The following GLCE variants were observed in gnomAD, a reference collection of about 807,000 sequenced individuals.
GLCE encodes glucuronic acid epimerase.
In GLCE, 19 loss-of-function variants were observed where a neutral mutation model predicts 47.9. The ratio of observed to expected loss-of-function variants is 0.40; its 90% CI spans 0.28 to 0.58. The LOEUF is 0.58. GLCE is among the 20% of genes least tolerant of loss of function. GLCE has a pLI of 0.48. For missense variants in GLCE, 556 were observed against 743.3 expected, an observed-to-expected ratio of 0.75 and a Z score of 2.93; for synonymous variants, 245 against 263.4, an observed-to-expected ratio of 0.93 and a Z score of 0.68.
chr15:69,180,395 TA>T (rs200606762), intron 1 of GLCE, among the ~76,000 whole-genome samples: 1 of 151,786 alleles, frequency 6.6e-6, no homozygotes, highest in African/African-American at 2.4e-5. Flanking sequence ...ATGAGTGAAT[TA>T]AAAAAAATGT....
intron 1 of GLCE, among the ~76,000 whole-genome samples, chr15:69,165,148 A>G (rs1011749547): frequency 2.6e-5 from 4 of 152,314 alleles, no homozygotes; most frequent in African/African-American, 7.2e-5. Context: ...AACATGTGCC[A>G]TAGTGATTTA....
intron 1 of GLCE, among the ~76,000 whole-genome samples, chr15:69,162,265 G>A (rs2051435934): frequency 6.6e-6 from 1 of 152,076 alleles, no homozygotes; most frequent in South Asian, 2.1e-4. Context: ...GGTAACTAGC[G>A]TAGGCGTAGG....
chr15:69,266,648 C>T (rs2140457338), intron 4 of GLCE: 3 of 350,198 alleles, frequency 8.6e-6, no homozygotes, highest in South Asian at 1.2e-4. Context: ...CTCCTGGTGA[C>T]ACACTAAAGA....
At chr15:69,177,789 A>G (rs1157670018) in intron 1 of GLCE, among the ~76,000 whole-genome samples, 1 of 152,100 alleles carries the variant, frequency 6.6e-6, no homozygotes, top group Non-Finnish European at 1.5e-5. Flanking sequence ...GTAACCATTG[A>G]TCTACTTAAT....
At chr15:69,258,605 A>G (rs2052968045) in intron 3 of GLCE, among the ~76,000 whole-genome samples, 2 of 152,002 alleles carry the variant, frequency 1.3e-5, no homozygotes, top group South Asian at 4.2e-4. Context: ...TTGTGGGTAC[A>G]TAGTAGGTGT....
chr15:69,179,572 T>C (rs746416765), intron 1 of GLCE, among the ~76,000 whole-genome samples: 1 of 152,228 alleles, frequency 6.6e-6, no homozygotes, highest in Non-Finnish European at 1.5e-5. Flanking sequence ...GAAATCCCTG[T>C]GCCATCCCTA....
chr15:69,257,982 T>C (rs2052952772), intron 3 of GLCE, among the ~76,000 whole-genome samples: 1 of 151,678 alleles, frequency 6.6e-6, no homozygotes, highest in Non-Finnish European at 1.5e-5. Context: ...AGAAATATAT[T>C]TTTATTTTAT....
At chr15:69,164,601 T>C (rs1473110035) in intron 1 of GLCE, among the ~76,000 whole-genome samples, 2 of 151,378 alleles carry the variant, frequency 1.3e-5, no homozygotes, top group East Asian at 3.9e-4. Flanking sequence ...ACTTAGAGTT[T>C]TTGTGTTGCA....
chr15:69,171,686 G>A (rs1461443943), intron 1 of GLCE, among the ~76,000 whole-genome samples: 2 of 152,094 alleles, frequency 1.3e-5, no homozygotes, highest in African/African-American at 2.4e-5. Context: ...GTGAGCCACC[G>A]CGCCCTGCTC....
chr15:69,165,565 C>A (rs1372104371), intron 1 of GLCE, among the ~76,000 whole-genome samples: 1 of 31,894 alleles, frequency 3.1e-5, no homozygotes, highest in African/African-American at 1.3e-4. Flanking sequence ...TTTTTTCTTT[C>A]TTTACTGTCT....
At chr15:69,231,772 A>ATC (rs2052525641) in intron 2 of GLCE, among the ~76,000 whole-genome samples, 1 of 151,872 alleles carries the variant, frequency 6.6e-6, no homozygotes, top group Non-Finnish European at 1.5e-5. Flanking sequence ...TGATTCAGAT[A>ATC]TCTATCTATC....
intron 1 of GLCE, among the ~76,000 whole-genome samples, chr15:69,168,117 TTG>T (rs1325151988): frequency 2.0e-5 from 3 of 152,148 alleles, no homozygotes; most frequent in Non-Finnish European, 4.4e-5. Flanking sequence ...TAGATTTTTA[TTG>T]TCTTTCTACT....
rs563232983 is a variant in GLCE at position 69,179,634 on chromosome 15, A to G, written c.-105+18877A>G. Among the ~76,000 whole-genome samples, 31 of 152,302 alleles carry G rather than the reference A, an allele frequency of 2.0e-4. No individual in the cohort carries two copies. In the South Asian group the frequency reaches 6.4e-3, roughly 32 times the overall value. ...CTGACAACGTAACTCCTGGCCTTAA[A>G]GAGCATATAGTTTTATAGGGGAGAT... On this transcript the variant is annotated intron_variant, in intron 1 of 4. Transcript: ENST00000261858.
At chr15:69,245,819 C>T (rs886403672) in intron 2 of GLCE, among the ~76,000 whole-genome samples, 1 of 152,118 alleles carries the variant, frequency 6.6e-6, no homozygotes, top group Non-Finnish European at 1.5e-5. Context: ...ACCTCCGTCT[C>T]CTGGGTTCAA....
chr15:69,267,727 T>C (rs2053105122), intron 4 of GLCE, among the ~76,000 whole-genome samples: 1 of 152,198 alleles, frequency 6.6e-6, no homozygotes, highest in Non-Finnish European at 1.5e-5. Context: ...AATAAATAGG[T>C]GTAAAGCCCT....
chr15:69,221,286 T>C (rs1329666323), intron 2 of GLCE, among the ~76,000 whole-genome samples: 1 of 152,214 alleles, frequency 6.6e-6, no homozygotes, highest in Non-Finnish European at 1.5e-5. Flanking sequence ...GAAAAACATG[T>C]CATCAGGATT....
chr15:69,214,026 A>G (rs927132658), intron 2 of GLCE, among the ~76,000 whole-genome samples: 3 of 151,842 alleles, frequency 2.0e-5, no homozygotes, highest in Non-Finnish European at 4.4e-5. Flanking sequence ...TCTTTTTTTT[A>G]AAGCAATTCC....
chr15:69,200,449 T>G (rs2052062229), intron 1 of GLCE, among the ~76,000 whole-genome samples: 1 of 152,226 alleles, frequency 6.6e-6, no homozygotes, highest in Non-Finnish European at 1.5e-5. Flanking sequence ...TGTGTCGTTT[T>G]ATACTTTTGG....
intron 1 of GLCE, among the ~76,000 whole-genome samples, chr15:69,185,181 T>C (rs1017742722): frequency 1.3e-5 from 2 of 152,234 alleles, no homozygotes; most frequent in African/African-American, 4.8e-5. Flanking sequence ...ACTTTATTGG[T>C]TTAATTGCCA....
Sources: gnomAD v4.1 joint callset for allele counts (sites outside exome capture counted in the v4.1 genomes callset) on GRCh38, gnomAD v4.1.1 for gene constraint, MANE v1.5 for transcripts, NCBI Gene and HGNC (gene_info 2026-07-23, HGNC 2026-07-21) for gene names.